NRXN3: variants seen among roughly 807,000 people sequenced by gnomAD.
NRXN3 encodes the protein neurexin III.
In NRXN3, 32 loss-of-function variants were observed where a neutral mutation model predicts 137.6. The ratio of observed to expected loss-of-function variants is 0.23; its 90% CI spans 0.18 to 0.31. The LOEUF (loss-of-function observed/expected upper bound fraction) is 0.31. NRXN3 is among the 10% of genes least tolerant of loss of function. The pLI, the probability that NRXN3 is intolerant of heterozygous loss-of-function variation, is 1.00. For synonymous variants in NRXN3, 798 were observed against 784.5 expected, an observed-to-expected ratio of 1.02 and a Z score of -0.29; for missense variants, 1,574 against 2,062.5, an observed-to-expected ratio of 0.76 and a Z score of 4.59.
intron 15 of NRXN3, among the ~76,000 whole-genome samples, chr14:79,185,057 G>C (rs1284237182): frequency 2.0e-5 from 3 of 152,148 alleles, no homozygotes; most frequent in Admixed American, 2.0e-4. Context: ...TCTATTAAAA[G>C]TTACATCATC....
intron 3 of NRXN3, chr14:78,282,251 C>G: frequency 2.2e-6 from 1 of 445,576 alleles, no homozygotes; most frequent in South Asian, 1.6e-5. Context: ...TTAACCTTCC[C>G]CTGCTTTTTG....
intron 15 of NRXN3, among the ~76,000 whole-genome samples, chr14:79,076,649 C>T (rs550534661): frequency 6.6e-6 from 1 of 152,308 alleles, no homozygotes; most frequent in South Asian, 2.1e-4. Context: ...GTCACCTCTA[C>T]TGTATTCTAT....
At chr14:78,197,268 T>A (rs1822250615) in intron 1 of NRXN3, among the ~76,000 whole-genome samples, 1 of 152,224 alleles carries the variant, frequency 6.6e-6, no homozygotes, top group South Asian at 2.1e-4. Context: ...TGCTTTTAGC[T>A]GGGGTGCTAG....
At position 78,740,252 on chromosome 14, in the gene NRXN3, A is replaced by G. The variant is rs1032360809; in HGVS notation, c.2044+25113A>G. On this transcript the variant is annotated intron_variant, in intron 8 of 20. Transcript: ENST00000335750. ...TTTTGTGGCCTTGTTTGAAGGCACC[A>G]TTGCTCACTGGTTAAACTGACTCCA... is the stretch of plus-strand genomic sequence containing the variant. Among the ~76,000 whole-genome samples, 7 of 152,192 alleles carry G rather than the reference A, an allele frequency of 4.6e-5. 1 individual carries two copies. The highest frequency in any genetic ancestry group is 1.5e-5 in the Non-Finnish European group (1 of 68,038).
chr14:78,271,304 T>C (rs1186250693), intron 2 of NRXN3, among the ~76,000 whole-genome samples: 1 of 152,208 alleles, frequency 6.6e-6, no homozygotes, highest in Non-Finnish European at 1.5e-5. Context: ...CTTTTAGGAT[T>C]GCATACATGC....
chr14:78,238,254 CA>C (rs1185944639), intron 1 of NRXN3, among the ~76,000 whole-genome samples: 1 of 151,194 alleles, frequency 6.6e-6, no homozygotes. Context: ...AATTAGCTGA[CA>C]ATTAGATAAT....
At chr14:79,415,229 C>T (rs2597090) in intron 15 of NRXN3, among the ~76,000 whole-genome samples, 115,594 of 151,992 alleles carry the variant, frequency 0.76, 44,221 homozygotes, top group Middle Eastern at 0.87. Flanking sequence ...ACTGATTTCA[C>T]ATTTTTTGGA....
At chr14:78,852,280 A>C in intron 10 of NRXN3, among the ~76,000 whole-genome samples, 1 of 152,170 alleles carries the variant, frequency 6.6e-6, no homozygotes, top group East Asian at 1.9e-4. Context: ...TATTGGCTGC[A>C]TGAGTCAGTT....
chr14:78,853,067 C>A, intron 10 of NRXN3, among the ~76,000 whole-genome samples: 1 of 151,560 alleles, frequency 6.6e-6, no homozygotes, highest in East Asian at 1.9e-4. Context: ...ATGTATCATA[C>A]GGTTTTTTTT....
At chr14:78,500,184 A>T (rs1398993147) in intron 4 of NRXN3, among the ~76,000 whole-genome samples, 1 of 152,184 alleles carries the variant, frequency 6.6e-6, no homozygotes, top group African/African-American at 2.4e-5. Flanking sequence ...TCTGAATGGT[A>T]CAGAGGTGCT....
Position 79,790,596 on chromosome 14 carries a change from A to G in NRXN3, c.4015-14516A>G, listed in dbSNP as rs377353720. Among the ~76,000 whole-genome samples, 260 of 141,056 alleles carry G rather than the reference A, an allele frequency of 1.8e-3. 1 individual carries two copies. Among genetic ancestry groups the G allele is most frequent in the African/African-American group, 6.1e-3 (233 of 37,906 alleles). 92.5% of individuals were successfully genotyped at this position (141,056 alleles called of 152,430 possible). ...AGTTCTGTAATTACAGGCGTGGGCC[A>G]CTGTGTCTGGCCCAGGCTCTTTTTT... On this transcript the variant is annotated intron_variant, in intron 19 of 20. Transcript: ENST00000335750.
intron 19 of NRXN3, among the ~76,000 whole-genome samples, chr14:79,714,239 T>TAC (rs1377307309): frequency 2.0e-5 from 3 of 152,202 alleles, no homozygotes; most frequent in Admixed American, 2.0e-4. Flanking sequence ...GAATTATATA[T>TAC]ACACACACTG....
In NRXN3 at chr14:79,831,145, TGAGA is replaced by T. The variant is rs1226145433; in HGVS notation, c.4093+25958_4093+25961del. On this transcript the variant is annotated intron_variant, in intron 20 of 20. Coordinates refer to ENST00000335750, the MANE Select transcript of NRXN3 (RefSeq NM_001330195.2). Reference sequence around the variant, plus strand: ...AGATTCAGTAGGAAATTGGGGGTGATGAGAGAATTTTAAGAAAAACGCTTGCTTT... The same window carrying T: ...AGATTCAGTAGGAAATTGGGGGTGATGAATTTTAAGAAAAACGCTTGCTTT... Among the ~76,000 whole-genome samples the T allele has an allele frequency of 3.9e-5, 6 of 152,314 alleles. No homozygotes were observed. In the East Asian group the frequency reaches 1.2e-3, roughly 29 times the overall value.
chr14:79,376,240 A>G (rs866584461), intron 15 of NRXN3, among the ~76,000 whole-genome samples: 7 of 103,968 alleles, frequency 6.7e-5, no homozygotes, highest in African/African-American at 2.0e-4. Context: ...ATATATATAT[A>G]TATATATATA....
chr14:79,150,733 T>C (rs561434892), intron 15 of NRXN3, among the ~76,000 whole-genome samples: 1 of 151,360 alleles, frequency 6.6e-6, no homozygotes, highest in South Asian at 2.1e-4. Context: ...AAAAAGAAAT[T>C]ACAGCTTCAT....
intron 6 of NRXN3, among the ~76,000 whole-genome samples, chr14:78,707,921 A>G (rs2098370475): frequency 6.6e-6 from 1 of 152,178 alleles, no homozygotes; most frequent in African/African-American, 2.4e-5. Flanking sequence ...TCATATATAT[A>G]TATCACATTT....
At chr14:79,023,130 C>CT (rs1285866182) in intron 15 of NRXN3, among the ~76,000 whole-genome samples, 1 of 119,838 alleles carries the variant, frequency 8.3e-6, no homozygotes, top group Non-Finnish European at 1.8e-5. Context: ...TTTTTAACTT[C>CT]TTTTTTGCTT....
intron 7 of NRXN3, among the ~76,000 whole-genome samples, chr14:78,710,369 TGG>T (rs1470872484): frequency 1.8e-4 from 1 of 5,412 alleles, no homozygotes; most frequent in Non-Finnish European, 3.3e-4. Context: ...AGTAACAAAG[TGG>T]GGGTGGGGGT....
chr14:78,478,167 A>G (rs1375724517), intron 4 of NRXN3, among the ~76,000 whole-genome samples: 1 of 152,246 alleles, frequency 6.6e-6, no homozygotes, highest in African/African-American at 2.4e-5. Flanking sequence ...GGGATACAAC[A>G]GAAGTATGAT....
Sources: gnomAD v4.1 joint callset for allele counts (sites outside exome capture counted in the v4.1 genomes callset) on GRCh38, gnomAD v4.1.1 for gene constraint, MANE v1.5 for transcripts, NCBI Gene and HGNC (gene_info 2026-07-23, HGNC 2026-07-21) for gene names.